SSBP2: variants seen among roughly 807,000 people sequenced by gnomAD.
The protein encoded by SSBP2 is single stranded DNA binding protein 2.
Under a neutral mutation model 61.8 loss-of-function variants are expected in SSBP2, and 17 were observed. The ratio of observed to expected loss-of-function variants is 0.28; its 90% confidence interval spans 0.19 to 0.41. The LOEUF (loss-of-function observed/expected upper bound fraction) is 0.41, where lower values mean the gene tolerates loss of function less well. Ranked by LOEUF, SSBP2 falls within the 10% of genes least tolerant of loss-of-function variation. The pLI is 1.00. For synonymous variants in SSBP2, 139 were observed against 141.3 expected (o/e 0.98, Z 0.12); for missense variants, 310 against 458.7 (o/e 0.68, Z 2.96).
chr5:81,713,104 G>C (rs770411721), intron 1 of SSBP2, among the ~76,000 whole-genome samples: 1 of 151,856 alleles, frequency 6.6e-6, no homozygotes, highest in Non-Finnish European at 1.5e-5. Context: ...ACAAAATTAT[G>C]GTAAATCACT....
chr5:81,568,406 C>A (rs1191217140), intron 4 of SSBP2, among the ~76,000 whole-genome samples: 1 of 152,188 alleles, frequency 6.6e-6, no homozygotes, highest in Non-Finnish European at 1.5e-5. Context: ...TTACCTTCTG[C>A]CATGATTGTG....
intron 5 of SSBP2, among the ~76,000 whole-genome samples, chr5:81,489,955 C>A (rs950487647): frequency 6.6e-6 from 1 of 151,320 alleles, no homozygotes; most frequent in African/African-American, 2.4e-5. Context: ...CAGTTAGAGG[C>A]TGTGGTGCAT....
At chr5:81,710,811 C>A in intron 1 of SSBP2, 4 of 377,192 alleles carry the variant, frequency 1.1e-5, no homozygotes, top group Non-Finnish European at 2.1e-5. Context: ...AAGGAATAGG[C>A]AAAAATTGGC....
intron 4 of SSBP2, among the ~76,000 whole-genome samples, chr5:81,591,182 G>T (rs6896538): frequency 0.014 from 2,165 of 152,188 alleles, 53 homozygotes; most frequent in African/African-American, 0.049. Flanking sequence ...CTAAACACAA[G>T]ATAATGCTAG....
At chr5:81,742,179 T>C (rs1191181763) in intron 1 of SSBP2, among the ~76,000 whole-genome samples, 8 of 152,138 alleles carry the variant, frequency 5.3e-5, no homozygotes, top group African/African-American at 1.9e-4. Context: ...TTGAAAACTA[T>C]AAAGTACAAT....
At chr5:81,528,093 G>C (rs1488464042) in intron 4 of SSBP2, among the ~76,000 whole-genome samples, 3 of 151,870 alleles carry the variant, frequency 2.0e-5, no homozygotes, top group Non-Finnish European at 2.9e-5. Context: ...ATTATATTGA[G>C]ATTTTGTTTT....
At chr5:81,744,022 G>C (rs1452843364) in intron 1 of SSBP2, among the ~76,000 whole-genome samples, 1 of 152,166 alleles carries the variant, frequency 6.6e-6, no homozygotes, top group Non-Finnish European at 1.5e-5. Flanking sequence ...GAAGCCAAAA[G>C]CCTAATAAAC....
chr5:81,732,892 C>G (rs1202623840), intron 1 of SSBP2, among the ~76,000 whole-genome samples: 1 of 152,160 alleles, frequency 6.6e-6, no homozygotes, highest in Non-Finnish European at 1.5e-5. Context: ...TTGTGCACTG[C>G]TGGGTAAGTG....
intron 3 of SSBP2, among the ~76,000 whole-genome samples, chr5:81,629,762 GATATAC>G (rs1747523423): frequency 6.6e-6 from 1 of 152,080 alleles, no homozygotes; most frequent in East Asian, 1.9e-4. Flanking sequence ...GTGAAGTTTT[GATATAC>G]ATATACTTTG....
intron 6 of SSBP2, among the ~76,000 whole-genome samples, chr5:81,479,711 C>T (rs74291664): frequency 2.6e-5 from 4 of 152,110 alleles, no homozygotes; most frequent in East Asian, 1.9e-4. Context: ...AGTGCATTTG[C>T]GCCAGGAATT....
intron 4 of SSBP2, among the ~76,000 whole-genome samples, chr5:81,590,198 T>A (rs1339581247): frequency 1.3e-5 from 2 of 150,286 alleles, no homozygotes; most frequent in Non-Finnish European, 3.0e-5. Flanking sequence ...GTCATAGATT[T>A]AAAAAAAAAA....
chr5:81,591,566 G>A (rs944220712), intron 4 of SSBP2, among the ~76,000 whole-genome samples: 1 of 151,894 alleles, frequency 6.6e-6, no homozygotes, highest in Admixed American at 6.6e-5. Flanking sequence ...TGAAAAAATG[G>A]GAAACTTCCA....
chr5:81,540,155 G>A (rs529018726), intron 4 of SSBP2, among the ~76,000 whole-genome samples: 1 of 152,238 alleles, frequency 6.6e-6, no homozygotes, highest in Admixed American at 6.5e-5. Context: ...ATGGGCATTT[G>A]GGTTGGTTCC....
At chr5:81,623,740 A>T (rs1214052135) in intron 3 of SSBP2, among the ~76,000 whole-genome samples, 1 of 152,108 alleles carries the variant, frequency 6.6e-6, no homozygotes, top group Non-Finnish European at 1.5e-5. Context: ...AAACATCAGA[A>T]ATAATTATTT....
intron 4 of SSBP2, among the ~76,000 whole-genome samples, chr5:81,559,810 G>A (rs1271982566): frequency 2.6e-5 from 4 of 151,210 alleles, no homozygotes; most frequent in African/African-American, 7.3e-5. Context: ...AATCTTAAAC[G>A]TCAAAAAAAC....
At chr5:81,489,064 A>G (rs769156341) in intron 6 of SSBP2, among the ~76,000 whole-genome samples, 186 bp downstream of exon 6, 8 of 152,264 alleles carry the variant, frequency 5.3e-5, no homozygotes, top group Middle Eastern at 6.8e-3. Context: ...GTTTTTCAAT[A>G]AAACTTTATT....
chr5:81,478,578 C>T (rs943796889), intron 6 of SSBP2, among the ~76,000 whole-genome samples: 4 of 152,214 alleles, frequency 2.6e-5, no homozygotes, highest in South Asian at 4.1e-4. Flanking sequence ...ACCTCATCAT[C>T]GGCCCGTCTC....
chr5:81,425,076 T>C (rs1487484070), intron 16 of SSBP2, among the ~76,000 whole-genome samples: 1 of 152,238 alleles, frequency 6.6e-6, no homozygotes, highest in Admixed American at 6.5e-5. Flanking sequence ...TTTAAATGTA[T>C]ACCAACTTAT....
intron 1 of SSBP2, among the ~76,000 whole-genome samples, chr5:81,699,828 G>T (rs956594834): frequency 6.6e-6 from 1 of 150,446 alleles, no homozygotes; most frequent in South Asian, 2.1e-4. Flanking sequence ...CACTATTTAT[G>T]ACAGATAGCT....
Sources: gnomAD v4.1 joint callset for allele counts (sites outside exome capture counted in the v4.1 genomes callset) on GRCh38, gnomAD v4.1.1 for gene constraint, MANE v1.5 for transcripts, NCBI Gene and HGNC (gene_info 2026-07-23, HGNC 2026-07-21) for gene names.